Variants in MCTP1 observed in about 807,000 individuals in gnomAD.
MCTP1 encodes the protein multiple C2 and transmembrane domain containing 1.
In MCTP1, 69 loss-of-function variants were observed where a neutral mutation model predicts 120.6. The ratio of observed to expected loss-of-function variants is 0.57; its 90% CI spans 0.47 to 0.70. MCTP1 has a LOEUF of 0.70. Among genes scored for constraint, MCTP1 ranks in the 30% least tolerant of loss-of-function variants. MCTP1 has a pLI of 0.00. For missense variants in MCTP1, 1,203 were observed against 1,248.8 expected (o/e 0.96, Z 0.55); for synonymous variants, 529 against 493.1 (o/e 1.07, Z -0.96).
intron 1 of MCTP1, among the ~76,000 whole-genome samples, chr5:95,113,253 C>T (rs1757582364): frequency 6.6e-6 from 1 of 151,920 alleles, no homozygotes; most frequent in Non-Finnish European, 1.5e-5. Context: ...AATCGTCCAC[C>T]CGCCCAGGAA....
intron 1 of MCTP1, among the ~76,000 whole-genome samples, chr5:95,045,894 T>C (rs545196918): frequency 1.3e-5 from 2 of 152,298 alleles, no homozygotes; most frequent in Non-Finnish European, 2.9e-5. Context: ...CTGGCTCTGA[T>C]ATTTTCTTAG....
At chr5:94,750,860 G>A (rs1389723827) in intron 19 of MCTP1, among the ~76,000 whole-genome samples, 3 of 152,156 alleles carry the variant, frequency 2.0e-5, no homozygotes, top group South Asian at 2.1e-4. Context: ...TAAGCATCTG[G>A]TGATTGTGAA....
chr5:94,876,890 G>A (rs1308660807), intron 12 of MCTP1, among the ~76,000 whole-genome samples: 4 of 151,970 alleles, frequency 2.6e-5, no homozygotes, highest in African/African-American at 9.7e-5. Flanking sequence ...ATTACTTATC[G>A]AGTGGCTGCT....
At chr5:95,153,529 G>C (rs1744771564) in intron 1 of MCTP1, among the ~76,000 whole-genome samples, 1 of 152,172 alleles carries the variant, frequency 6.6e-6, no homozygotes, top group Non-Finnish European at 1.5e-5. Flanking sequence ...TTAAGAACAT[G>C]GTCCTGACAG....
chr5:94,885,389 CCTT>C (rs1376606132), intron 12 of MCTP1, among the ~76,000 whole-genome samples: 1 of 151,874 alleles, frequency 6.6e-6, no homozygotes, highest in African/African-American at 2.4e-5. Flanking sequence ...ACTCTTTTCT[CCTT>C]CTCCTCTTAG....
intron 1 of MCTP1, among the ~76,000 whole-genome samples, chr5:95,051,180 T>C (rs868711545): frequency 6.6e-6 from 1 of 152,196 alleles, no homozygotes; most frequent in Non-Finnish European, 1.5e-5. Flanking sequence ...GCATTGTCTT[T>C]ATTCTTAAAA....
At chr5:94,876,843 T>C (rs1262149530) in intron 12 of MCTP1, among the ~76,000 whole-genome samples, 1 of 152,048 alleles carries the variant, frequency 6.6e-6, no homozygotes, top group Non-Finnish European at 1.5e-5. Flanking sequence ...TGTTGACAAT[T>C]TTCTAGAGAG....
In MCTP1 at chr5:95,011,127, A is replaced by G. The variant is rs979591288; in HGVS notation, c.838+6240T>C. 1.3e-4 allele frequency among the ~76,000 whole-genome samples: 20 copies of G among 152,102 alleles called. 1 individual carries two copies. Among genetic ancestry groups the G allele is most frequent in the Admixed American group, 1.1e-3 (17 of 15,272 alleles). ...CATGTTTCCCCATTGTGAAGTTTCT[A>G]TTTTTCTCTTTGTAATTCTTACACA... is the stretch of plus-strand genomic sequence containing the variant. On this transcript the variant is annotated intron_variant, in intron 2 of 22. Transcript: ENST00000515393.
At chr5:94,871,039 C>T in intron 14 of MCTP1, 66 bp from the exon 15 acceptor site, 1 of 1,276,822 alleles carries the variant, frequency 7.8e-7, no homozygotes, top group African/African-American at 1.5e-5. Flanking sequence ...CCTCAGTGAC[C>T]TTTGACCCCC....
At chr5:94,774,700 C>G (rs977617587) in intron 19 of MCTP1, among the ~76,000 whole-genome samples, 3 of 152,060 alleles carry the variant, frequency 2.0e-5, no homozygotes, top group Non-Finnish European at 4.4e-5. Flanking sequence ...GAGCCTCTAC[C>G]ATGTGTGGCA....
intron 16 of MCTP1, among the ~76,000 whole-genome samples, chr5:94,869,901 GA>G (rs2153296112): frequency 6.6e-6 from 1 of 152,160 alleles, no homozygotes; most frequent in South Asian, 2.1e-4. Flanking sequence ...GTTTACTTCT[GA>G]AAGATCATAG....
At chr5:94,843,881 T>C (rs972334495) in intron 17 of MCTP1, among the ~76,000 whole-genome samples, 3 of 152,128 alleles carry the variant, frequency 2.0e-5, no homozygotes, top group African/African-American at 7.2e-5. Flanking sequence ...GAGAGAAAGG[T>C]TGTGTTTTTG....
At chr5:94,963,354 A>ATTTAT (rs780142344) in intron 2 of MCTP1, among the ~76,000 whole-genome samples, 1,996 of 136,776 alleles carry the variant, frequency 0.015, 28 homozygotes, top group African/African-American at 0.032. Context: ...TTGTAATTCT[A>ATTTAT]TTTTTTTTTT....
intron 19 of MCTP1, among the ~76,000 whole-genome samples, chr5:94,736,306 T>C (rs979977054): frequency 8.6e-5 from 13 of 151,958 alleles, no homozygotes; most frequent in African/African-American, 9.7e-5. Context: ...CTGGGCAACA[T>C]AGTGAGAACC....
chr5:95,034,154 C>A (rs1179376415), intron 1 of MCTP1, among the ~76,000 whole-genome samples: 1 of 151,832 alleles, frequency 6.6e-6, no homozygotes, highest in Non-Finnish European at 1.5e-5. Flanking sequence ...CTGCCCAAAG[C>A]AATCTATAGA....
intron 1 of MCTP1, among the ~76,000 whole-genome samples, chr5:95,025,561 G>T (rs987729486): frequency 7.9e-5 from 12 of 152,162 alleles, no homozygotes; most frequent in Non-Finnish European, 1.6e-4. Flanking sequence ...AGGAAAGTCA[G>T]AAAAAATCAT....
At chr5:94,708,122 C>T (rs1755296479) in intron 22 of MCTP1, 1 of 158,552 alleles carries the variant, frequency 6.3e-6, no homozygotes, top group South Asian at 1.9e-4. Flanking sequence ...TTCTTCAAAA[C>T]TTACTTGTAA....
intron 17 of MCTP1, among the ~76,000 whole-genome samples, chr5:94,830,747 T>C (rs566525986): frequency 4.1e-4 from 62 of 152,352 alleles, no homozygotes; most frequent in African/African-American, 1.5e-3. Flanking sequence ...ACGGTCACGC[T>C]CTTCTCAGTC....
chr5:95,121,221 T>A (rs1758208356), intron 1 of MCTP1, among the ~76,000 whole-genome samples: 1 of 128,516 alleles, frequency 7.8e-6, no homozygotes, highest in South Asian at 2.3e-4. Context: ...GAGCTTGCAG[T>A]GAGCAGAGAT....
Sources: allele counts gnomAD v4.1 joint callset (sites outside exome capture counted in the v4.1 genomes callset), GRCh38; gene constraint gnomAD v4.1.1; transcripts MANE v1.5; gene names NCBI Gene and HGNC (gene_info 2026-07-23, HGNC 2026-07-21).